Variants in ABCC9 observed in about 807,000 individuals in gnomAD.
ABCC9 encodes ATP binding cassette subfamily C member 9, also known as ATP-binding cassette sub-family C member 9.
Under a neutral mutation model 188.3 loss-of-function variants are expected in ABCC9, and 95 were observed. The ratio of observed to expected loss-of-function variants is 0.50; its 90% CI spans 0.43 to 0.60. The LOEUF is 0.60. Ranked by LOEUF, ABCC9 falls within the 20% of genes least tolerant of loss-of-function variation. The pLI is 0.00. For synonymous variants in ABCC9, 659 were observed against 652.7 expected (o/e 1.01, Z -0.15); for missense variants, 1,102 against 1,876.3 (o/e 0.59, Z 7.62).
chr12:21,919,049 C>T (rs1948708093), intron 5 of ABCC9, among the ~76,000 whole-genome samples: 1 of 151,804 alleles, frequency 6.6e-6, no homozygotes. Flanking sequence ...AGAAGTACAA[C>T]TAAAATAAGA....
At chr12:21,884,735 C>T (rs771862775) in intron 15 of ABCC9, among the ~76,000 whole-genome samples, 11 of 152,018 alleles carry the variant, frequency 7.2e-5, no homozygotes, top group Admixed American at 1.3e-4. Context: ...GAAAGTAAGA[C>T]ACTAGCAGTG....
chr12:21,938,757 CT>C (rs1949590311), intron 2 of ABCC9, among the ~76,000 whole-genome samples: 1 of 152,174 alleles, frequency 6.6e-6, no homozygotes, highest in South Asian at 2.1e-4. Context: ...AAATTACACC[CT>C]TCATTAGCTA....
chr12:21,868,261 G>A (rs1283798), intron 18 of ABCC9, among the ~76,000 whole-genome samples: 50,279 of 152,008 alleles, frequency 0.33, 8,447 homozygotes, highest in East Asian at 0.48. Flanking sequence ...CCTTTTCTCC[G>A]GCCCAAAGTA....
At position 21,814,702 on chromosome 12, in the gene ABCC9, A is replaced by G. The variant is rs756856961; in HGVS notation, c.4044T>C (p.Thr1348=). The G allele has an allele frequency of 6.2e-7, 1 of 1,614,046 alleles. No homozygotes were observed. The highest frequency in any genetic ancestry group is 1.1e-5 in the South Asian group (1 of 91,088). The part of the protein sequence containing the change: ...PGQKVGICGR[T]GSGKSSLSLA... ...GAGATAACGATGATTTCCCACTGCCAGTGCGACCACATATGCCCACCTAGG... is the reference window on the plus strand; with the variant it reads ...GAGATAACGATGATTTCCCACTGCCGGTGCGACCACATATGCCCACCTAGG... The change falls in exon 35 of 40, where the codon ACT becomes ACC. Residue 1348 remains threonine (T), a synonymous_variant. Coordinates refer to ENST00000261200, the MANE Select transcript of ABCC9 (RefSeq NM_020297.4).
At chr12:21,854,115 C>T (rs900153922) in intron 22 of ABCC9, among the ~76,000 whole-genome samples, 1 of 152,182 alleles carries the variant, frequency 6.6e-6, no homozygotes, top group Non-Finnish European at 1.5e-5. Flanking sequence ...CAGTTGAGCA[C>T]AGTCATAGTC....
chr12:21,907,488 G>A (rs1948099453), intron 11 of ABCC9, among the ~76,000 whole-genome samples: 1 of 151,992 alleles, frequency 6.6e-6, no homozygotes, highest in East Asian at 1.9e-4. Flanking sequence ...TATTTGCAAA[G>A]ATTTCTCTAA....
rs775002315 is a variant in ABCC9, at chr12:21,882,830, A to C, written c.1955T>G (p.Leu652Arg). 6.2e-7 allele frequency: 1 copy of C among 1,614,084 alleles called. No homozygotes were observed. Among genetic ancestry groups the C allele is most frequent in the Non-Finnish European group, 8.5e-7 (1 of 1,179,968 alleles). ...CCGTGTTGATTGCTCATAGCTGTCCAGGTGATATCTTCCAGGCTGTTTCCT... is the reference window on the plus strand; with the variant it reads ...CCGTGTTGATTGCTCATAGCTGTCCCGGTGATATCTTCCAGGCTGTTTCCT... Reference protein sequence around the residue: ...INRKQPGRYHLDSYEQSTRRL... With the variant: ...INRKQPGRYHRDSYEQSTRRL... Residue 652 changes from leucine (L) to arginine (R), a missense_variant, in exon 16 of 40, where the codon CTG becomes CGG. Transcript: ENST00000261200.
intron 4 of ABCC9, among the ~76,000 whole-genome samples, chr12:21,929,072 A>G (rs1324353500): frequency 6.6e-6 from 1 of 152,202 alleles, no homozygotes; most frequent in Non-Finnish European, 1.5e-5. Flanking sequence ...ACACAGTAAT[A>G]GTGAAGATTT....
chr12:21,914,268 T>C (rs1187248611), intron 7 of ABCC9, among the ~76,000 whole-genome samples: 1 of 152,178 alleles, frequency 6.6e-6, no homozygotes, highest in Non-Finnish European at 1.5e-5. Flanking sequence ...CAATGATATT[T>C]GTAGATGATG....
intron 33 of ABCC9, among the ~76,000 whole-genome samples, chr12:21,816,870 C>CT (rs1282253158): frequency 2.0e-5 from 3 of 152,112 alleles, no homozygotes; most frequent in Non-Finnish European, 2.9e-5. Context: ...TTCTTGACAT[C>CT]TAAGTTAATA....
At chr12:21,862,101 A>AT (rs1013787620) in intron 20 of ABCC9, among the ~76,000 whole-genome samples, 30 of 151,038 alleles carry the variant, frequency 2.0e-4, no homozygotes, top group Admixed American at 4.0e-4. Context: ...TTGTTCTTCA[A>AT]TTTTTTTTTC....
chr12:21,818,108 T>C, intron 32 of ABCC9, 42 bp downstream of exon 32: 1 of 1,356,126 alleles, frequency 7.4e-7, no homozygotes, highest in Non-Finnish European at 1.1e-6. Flanking sequence ...GAACATGCGG[T>C]GTTTGGTTAT....
intron 12 of ABCC9, among the ~76,000 whole-genome samples, chr12:21,900,925 C>A (rs1217493767): frequency 2.6e-5 from 4 of 152,078 alleles, no homozygotes; most frequent in African/African-American, 9.7e-5. Context: ...CAAGGCAGGC[C>A]AACATTCAAA....
At chr12:21,817,768 C>A (rs960284133) in intron 32 of ABCC9, among the ~76,000 whole-genome samples, 32 of 152,082 alleles carry the variant, frequency 2.1e-4, no homozygotes, top group Non-Finnish European at 4.4e-4. Context: ...GGGCCCCAAT[C>A]TACTATTATT....
intron 16 of ABCC9, among the ~76,000 whole-genome samples, chr12:21,878,898 C>T (rs1311109483): frequency 6.6e-6 from 1 of 152,096 alleles, no homozygotes; most frequent in East Asian, 1.9e-4. Flanking sequence ...CACTAAATTC[C>T]CCACCAGCAG....
chr12:21,902,127 A>C (rs377661369), intron 12 of ABCC9, among the ~76,000 whole-genome samples: 1 of 152,182 alleles, frequency 6.6e-6, no homozygotes, highest in South Asian at 2.1e-4. Flanking sequence ...CAAACTAGAA[A>C]TCAGGATTAA....
chr12:21,850,559 A>G (rs1447173410), intron 24 of ABCC9, among the ~76,000 whole-genome samples: 1 of 152,162 alleles, frequency 6.6e-6, no homozygotes, highest in African/African-American at 2.4e-5. Flanking sequence ...GTCTTTAATT[A>G]TACAGCTATG....
chr12:21,837,776 T>C (rs1944176041), intron 30 of ABCC9, among the ~76,000 whole-genome samples: 2 of 102,664 alleles, frequency 1.9e-5, no homozygotes, highest in Admixed American at 2.3e-4. Flanking sequence ...AGAAGCAAAA[T>C]TGATTTTCTC....
At chr12:21,894,521 C>T (rs7978092) in intron 13 of ABCC9, among the ~76,000 whole-genome samples, 62,288 of 151,788 alleles carry the variant, frequency 0.41, 13,111 homozygotes, top group Middle Eastern at 0.48. Flanking sequence ...CTAAATACTC[C>T]GGGAGAAAAA....
Sources: gnomAD v4.1 joint callset for allele counts (sites outside exome capture counted in the v4.1 genomes callset) on GRCh38, gnomAD v4.1.1 for gene constraint, MANE v1.5 for transcripts, NCBI Gene and HGNC (gene_info 2026-07-23, HGNC 2026-07-21) for gene names.